Variants in MFSD11 observed in about 807,000 individuals in gnomAD.
MFSD11 encodes UNC93-like protein MFSD11.
In MFSD11, 36 loss-of-function variants were observed where a neutral mutation model predicts 53.5. The ratio of observed to expected loss-of-function variants is 0.67; its 90% confidence interval spans 0.52 to 0.89. The LOEUF is 0.89. Among genes scored for constraint, MFSD11 ranks in the 40% least tolerant of loss-of-function variants. The pLI, the probability that MFSD11 is intolerant of heterozygous loss-of-function variation, is 0.00. For missense variants in MFSD11, 530 were observed against 543.9 expected (o/e 0.97, Z 0.25); for synonymous variants, 186 against 184.9 (o/e 1.01, Z -0.05).
chr17:76,798,045 G>C, the MFSD11 span, among the ~76,000 whole-genome samples: 4 of 151,662 alleles, frequency 2.6e-5, no homozygotes, highest in African/African-American at 9.7e-5. Flanking sequence ...CACCACGCCC[G>C]GTTAATGTTT....
At chr17:76,783,494 C>A (rs1598820478), downstream of MFSD11, among the ~76,000 whole-genome samples, 1 of 152,152 alleles carries the variant, frequency 6.6e-6, no homozygotes, top group Admixed American at 6.6e-5. Flanking sequence ...CACAGGATTT[C>A]TTTCCTCTAG....
chr17:76,781,560 C>G (rs901677559), downstream of MFSD11: 3 of 152,250 alleles, frequency 2.0e-5, no homozygotes, highest in African/African-American at 7.2e-5. Context: ...CCAAGCCTCG[C>G]ATTCTCCAGG....
Position 76,754,060 on chromosome 17 carries a change from A to G in MFSD11, c.655A>G (p.Asn219Asp), listed in dbSNP as rs1225196624. 3.2e-5 allele frequency: 52 copies of G among 1,613,318 alleles called. No individual in the cohort carries two copies. The highest frequency in any genetic ancestry group is 4.4e-5 in the Non-Finnish European group (52 of 1,179,428). Residue 219 changes from asparagine to aspartate, a missense_variant, in exon 8 of 13, where the codon AAT becomes GAT. Transcript: ENST00000685175. ...DMEVNESAQN[N>D]LTKAVDAFKK... is the part of the protein sequence containing the mutation. ...TTATTTTCTCAGGTCTGCCCAGAAC[A>G]ATCTGACAAAGGCAGTAGATGCTTT...
At chr17:76,739,930 G>A (rs1360099207) in intron 2 of MFSD11, among the ~76,000 whole-genome samples, 2 of 152,142 alleles carry the variant, frequency 1.3e-5, no homozygotes, top group African/African-American at 4.8e-5. Context: ...GCTTTGGGAG[G>A]CGGAGGTGGG....
chr17:76,770,194 T>C (rs2081271747), intron 10 of MFSD11, among the ~76,000 whole-genome samples: 1 of 151,788 alleles, frequency 6.6e-6, no homozygotes, highest in South Asian at 2.1e-4. Flanking sequence ...CCCGCCACTA[T>C]GCCCGGCTAA....
At chr17:76,792,242 T>C in the MFSD11 span, among the ~76,000 whole-genome samples, 1 of 150,410 alleles carries the variant, frequency 6.6e-6, no homozygotes, top group African/African-American at 2.5e-5. Context: ...CCTCAGCCTC[T>C]TGAGTAGCTG....
At chr17:76,743,163 C>G (rs8073856) in intron 5 of MFSD11, among the ~76,000 whole-genome samples, 7,587 of 152,064 alleles carry the variant, frequency 0.05, 585 homozygotes, top group African/African-American at 0.17. Context: ...TGAAGGGTGC[C>G]TCTGAATCAG....
At chr17:76,794,150 C>T in the MFSD11 span, among the ~76,000 whole-genome samples, 1 of 151,340 alleles carries the variant, frequency 6.6e-6, no homozygotes, top group Non-Finnish European at 1.5e-5. Context: ...TTTGCTATAG[C>T]AGCAGTAGCA....
the MFSD11 span, among the ~76,000 whole-genome samples, chr17:76,795,136 A>G: frequency 6.6e-6 from 1 of 152,016 alleles, no homozygotes; most frequent in Admixed American, 6.6e-5. Context: ...TCCCTAAACA[A>G]TGGTGTATAA....
rs751713828 is a variant in MFSD11 at position 76,776,387 on chromosome 17, T to G, written c.1050-19T>G. On this transcript the variant is annotated intron_variant, in intron 11 of 12. Transcript: ENST00000685175. The surrounding 1 kb of genome is among the most constrained non-coding windows in gnomAD (Gnocchi z 4.2). Reference sequence around the variant, plus strand: ...CTAGCAGATATTGCTCATACTAAATTGATTTTTATTTTCTTCAGCAAAGAA... The same window carrying G: ...CTAGCAGATATTGCTCATACTAAATGGATTTTTATTTTCTTCAGCAAAGAA... 1 of 1,611,384 alleles carries G rather than the reference T, an allele frequency of 6.2e-7. No individual in the cohort carries two copies. Among genetic ancestry groups the G allele is most frequent in the Non-Finnish European group, 8.5e-7 (1 of 1,179,222 alleles).
chr17:76,768,238 A>G (rs2081046088), intron 9 of MFSD11, among the ~76,000 whole-genome samples: 1 of 150,960 alleles, frequency 6.6e-6, no homozygotes, highest in Non-Finnish European at 1.5e-5. Flanking sequence ...CAGTAAGTCA[A>G]GGTTGCATGA....
At chr17:76,785,419 C>T (rs1228113700), downstream of MFSD11, among the ~76,000 whole-genome samples, 1 of 152,162 alleles carries the variant, frequency 6.6e-6, no homozygotes, top group African/African-American at 2.4e-5. Context: ...TCACTGCAAC[C>T]TCCAACTCCT....
At chr17:76,800,017 G>A in the MFSD11 span, among the ~76,000 whole-genome samples, 1 of 142,464 alleles carries the variant, frequency 7.0e-6, no homozygotes, top group South Asian at 2.2e-4. Context: ...GAACTGTGGT[G>A]TGATCTTGGC....
chr17:76,736,742 G>A, upstream of MFSD11: 1 of 1,389,568 alleles, frequency 7.2e-7, no homozygotes, highest in Non-Finnish European at 9.3e-7. Flanking sequence ...TTGTGAGGTC[G>A]CCCGGGCCTC....
At position 76,778,206 on chromosome 17, in the gene MFSD11, G is replaced by C; in HGVS notation, c.1204G>C (p.Ala402Pro). The C allele has an allele frequency of 6.2e-7, 1 of 1,614,166 alleles. No homozygotes were observed. The highest frequency in any genetic ancestry group is 8.5e-7 in the Non-Finnish European group (1 of 1,180,032). ...TTCTTAGTCTATTTGCGCAGCCGTGGCATTTTTCTACAGCAACTACCTTCT... is the reference window on the plus strand; with the variant it reads ...TTCTTAGTCTATTTGCGCAGCCGTGCCATTTTTCTACAGCAACTACCTTCT... ...KFVQSICAAV[A>P]FFYSNYLLLH... The change falls in exon 13 of 13, where the codon GCA becomes CCA. Residue 402 changes from alanine to proline, a missense_variant. Coordinates refer to ENST00000685175, the MANE Select transcript of MFSD11 (RefSeq NM_001242532.5).
chr17:76,760,630 A>G (rs1363671749), intron 8 of MFSD11, among the ~76,000 whole-genome samples: 1 of 151,912 alleles, frequency 6.6e-6, no homozygotes, highest in Non-Finnish European at 1.5e-5. Flanking sequence ...TCTTGGGTTC[A>G]AGGGATTCTC....
At chr17:76,786,775 G>A in the MFSD11 span, among the ~76,000 whole-genome samples, 1 of 152,146 alleles carries the variant, frequency 6.6e-6, no homozygotes, top group African/African-American at 2.4e-5. Flanking sequence ...CCGTACTCCA[G>A]AAGGAAAGCA....
At chr17:76,773,638 C>G (rs2081560052) in intron 10 of MFSD11, among the ~76,000 whole-genome samples, 1 of 151,964 alleles carries the variant, frequency 6.6e-6, no homozygotes. Flanking sequence ...CAGACGGAGT[C>G]TCGCTCAGTT....
the MFSD11 span, among the ~76,000 whole-genome samples, chr17:76,801,699 C>T: frequency 1.3e-5 from 2 of 151,908 alleles, no homozygotes; most frequent in African/African-American, 4.8e-5. Flanking sequence ...CCTGCCTTGG[C>T]CTCCCAAAGT....
Sources: allele counts gnomAD v4.1 joint callset (sites outside exome capture counted in the v4.1 genomes callset), GRCh38; gene constraint gnomAD v4.1.1; non-coding constraint Gnocchi (gnomAD v3.1); transcripts MANE v1.5; gene names NCBI Gene and HGNC (gene_info 2026-07-23, HGNC 2026-07-21).